CFAP61: variants seen among roughly 807,000 people sequenced by gnomAD.
CFAP61 encodes cilia- and flagella-associated protein 61.
Under a neutral mutation model 135.6 loss-of-function variants are expected in CFAP61, and 107 were observed. The observed-to-expected ratio is 0.79, with a 90% CI of 0.67 to 0.93. CFAP61 has a LOEUF of 0.93. Among genes scored for constraint, CFAP61 ranks in the 40% least tolerant of loss-of-function variants. The pLI is 0.00. For missense variants in CFAP61, 1,507 were observed against 1,556.2 expected (o/e 0.97, Z 0.53); for synonymous variants, 575 against 578.5 (o/e 0.99, Z 0.09).
At chr20:20,058,139 T>C (rs528537185) in intron 2 of CFAP61, among the ~76,000 whole-genome samples, 2 of 152,344 alleles carry the variant, frequency 1.3e-5, no homozygotes, top group South Asian at 2.1e-4. Flanking sequence ...CCTAAGACAT[T>C]AAAGTTTGTA....
chr20:20,283,416 T>C (rs1194868612), intron 22 of CFAP61, among the ~76,000 whole-genome samples: 2 of 152,262 alleles, frequency 1.3e-5, no homozygotes, highest in Non-Finnish European at 2.9e-5. Context: ...TCCCATCCAT[T>C]TACTTTCTAC....
chr20:20,215,324 T>G (rs1343252110), intron 17 of CFAP61: 4 of 152,194 alleles, frequency 2.6e-5, no homozygotes, highest in Non-Finnish European at 5.9e-5. Flanking sequence ...TTTCTTTGAG[T>G]CAAAAATTAT....
chr20:20,092,367 G>A (rs976006815), intron 7 of CFAP61, among the ~76,000 whole-genome samples: 1 of 152,162 alleles, frequency 6.6e-6, no homozygotes, highest in African/African-American at 2.4e-5. Flanking sequence ...GGCCCAAAAG[G>A]CAGCCCACAC....
intron 2 of CFAP61, among the ~76,000 whole-genome samples, chr20:20,069,554 A>G (rs958158650): frequency 6.6e-6 from 1 of 152,230 alleles, no homozygotes; most frequent in Admixed American, 6.5e-5. Flanking sequence ...GTGGGATTAC[A>G]GGTGTGAGCC....
intron 2 of CFAP61, among the ~76,000 whole-genome samples, chr20:20,064,283 G>C (rs1048401549): frequency 6.6e-6 from 1 of 152,042 alleles, no homozygotes; most frequent in African/African-American, 2.4e-5. Context: ...ACAATTTCAC[G>C]GATTAAAGAT....
rs867478463 is a variant in CFAP61 at position 20,191,514 on chromosome 20, T to C, written c.1590+95T>C. 52 of 798,254 alleles carry C rather than the reference T, an allele frequency of 6.5e-5. No individual in the cohort carries two copies. The Middle Eastern group carries it at 1.5e-3, about 23-fold the overall frequency. The allele number at this position is 798,254 out of a possible 1,614,324, so 49.4% of individuals were successfully genotyped here. A position where few individuals can be genotyped will look rare whatever the true frequency, so the allele number is the denominator to read the frequency against. ...CCTTTTGGAGTTGTACTTTTACTTA[T>C]TTAATGTGAATGCCTCCTTTTTCTG... is the stretch of plus-strand genomic sequence containing the variant. On this transcript the variant is annotated intron_variant, in intron 15 of 26. Transcript: ENST00000245957.
At chr20:20,284,912 T>A (rs2054469179) in intron 22 of CFAP61, among the ~76,000 whole-genome samples, 2 of 152,238 alleles carry the variant, frequency 1.3e-5, no homozygotes, top group Admixed American at 1.3e-4. Flanking sequence ...TCTATCTTCC[T>A]TTTTGAAAAT....
At chr20:20,115,417 T>C (rs1018289031) in intron 8 of CFAP61, among the ~76,000 whole-genome samples, 11 of 151,990 alleles carry the variant, frequency 7.2e-5, no homozygotes, top group Admixed American at 4.6e-4. Context: ...CTTAAATATT[T>C]GTCTCTTCTT....
intron 8 of CFAP61, among the ~76,000 whole-genome samples, chr20:20,123,004 C>A (rs956322430): frequency 1.3e-5 from 2 of 151,738 alleles, no homozygotes; most frequent in African/African-American, 2.4e-5. Context: ...TTTTGATTTG[C>A]ATTTCCCTGA....
At chr20:20,112,382 A>T (rs1055692801) in intron 8 of CFAP61, among the ~76,000 whole-genome samples, 3 of 152,198 alleles carry the variant, frequency 2.0e-5, no homozygotes, top group Non-Finnish European at 2.9e-5. Flanking sequence ...ACCTTGGGAA[A>T]GTTATCTCTT....
intron 17 of CFAP61, among the ~76,000 whole-genome samples, chr20:20,211,964 T>TA (rs73617298): frequency 6.6e-6 from 1 of 152,024 alleles, no homozygotes; most frequent in Non-Finnish European, 1.5e-5. Flanking sequence ...ACGGTTGATT[T>TA]AAAAAATGGA....
chr20:20,151,499 C>T (rs1313415692), intron 9 of CFAP61, among the ~76,000 whole-genome samples: 1 of 152,054 alleles, frequency 6.6e-6, no homozygotes, highest in South Asian at 2.1e-4. Context: ...GAAAACTTCC[C>T]TGGCCTCACT....
At chr20:20,089,448 C>G (rs2047026261) in intron 6 of CFAP61, among the ~76,000 whole-genome samples, 1 of 151,634 alleles carries the variant, frequency 6.6e-6, no homozygotes, top group Non-Finnish European at 1.5e-5. Flanking sequence ...TCAAAGAGAA[C>G]ATACTAGAAG....
intron 13 of CFAP61, among the ~76,000 whole-genome samples, chr20:20,182,812 A>C (rs1163464240): frequency 6.6e-6 from 1 of 152,238 alleles, no homozygotes; most frequent in East Asian, 1.9e-4. Flanking sequence ...TGCTATGAGA[A>C]TGCTTTATTA....
At chr20:20,163,988 G>T in intron 10 of CFAP61, 62 bp from the exon 11 acceptor site, 1 of 1,391,126 alleles carries the variant, frequency 7.2e-7, no homozygotes, top group African/African-American at 1.4e-5. Context: ...GCAGCCACCA[G>T]CCCACTAAAT....
intron 17 of CFAP61, among the ~76,000 whole-genome samples, chr20:20,210,966 A>C (rs1177396599): frequency 6.6e-6 from 1 of 152,202 alleles, no homozygotes; most frequent in East Asian, 1.9e-4. Context: ...CTCTACAAAA[A>C]ATAAACTATT....
rs781393508 is a variant in CFAP61, at chr20:20,090,969, T to A, written c.692T>A (p.Val231Glu). ...CAAGATGAAGAGAATCATGCTGTTG[T>A]GTGTGAGGTCAGTGACTGATTCATG... ...EAQDEENHAV[V>E]CEVEGTAVGF... The change falls in exon 7 of 27, where the codon GTG becomes GAG. Residue 231 changes from valine (V) to glutamate (E), a missense_variant. Coordinates refer to ENST00000245957, the MANE Select transcript of CFAP61 (RefSeq NM_015585.4). 17 of 1,614,002 alleles carry A rather than the reference T, an allele frequency of 1.1e-5. No homozygotes were observed. The South Asian group carries it at 1.8e-4, about 17-fold the overall frequency.
intron 22 of CFAP61, among the ~76,000 whole-genome samples, chr20:20,287,972 C>T (rs145644940): frequency 6.6e-6 from 1 of 152,268 alleles, no homozygotes; most frequent in Non-Finnish European, 1.5e-5. Context: ...TTATGGCACC[C>T]TCACACAGTG....
intron 25 of CFAP61, among the ~76,000 whole-genome samples, chr20:20,309,576 T>C (rs542458230): frequency 3.1e-4 from 47 of 152,244 alleles, no homozygotes; most frequent in African/African-American, 1.1e-3. Flanking sequence ...AGAACCAGAG[T>C]TTCCTGACTT....
Sources: allele counts gnomAD v4.1 joint callset (sites outside exome capture counted in the v4.1 genomes callset), GRCh38; gene constraint gnomAD v4.1.1; transcripts MANE v1.5; gene names NCBI Gene and HGNC (gene_info 2026-07-23, HGNC 2026-07-21).